Variants in TET3 observed in about 807,000 individuals in gnomAD.
TET3 encodes the protein methylcytosine dioxygenase TET3.
TET3 carries 19 observed loss-of-function variants against 141.4 expected under a neutral mutation model. The observed-to-expected ratio is 0.13, with a 90% CI of 0.09 to 0.20. The LOEUF is 0.20. Among genes scored for constraint, TET3 ranks in the 10% least tolerant of loss-of-function variants. The pLI is 1.00. For synonymous variants in TET3, 1,043 were observed against 980.9 expected (o/e 1.06, Z -1.18); for missense variants, 1,874 against 2,356.9 (o/e 0.80, Z 4.24).
rs377542904 is a variant in TET3 at position 74,088,388 on chromosome 2, A to G, written c.2888+350A>G. Among the ~76,000 whole-genome samples the G allele has an allele frequency of 3.6e-4, 55 of 152,320 alleles. No individual in the cohort carries two copies. In the East Asian group the frequency reaches 6.9e-3, roughly 19 times the overall value. On this transcript the variant is annotated intron_variant, in intron 7 of 11. Transcript: ENST00000409262. ...TGGCCAGGCGTGGTCCATGCCTATA[A>G]TCCCAGCACTTTGGGAGGCCGAAGT...
At chr2:73,994,339 CT>C (rs1412180846) in intron 2 of TET3, among the ~76,000 whole-genome samples, 1 of 152,152 alleles carries the variant, frequency 6.6e-6, no homozygotes, top group African/African-American at 2.4e-5. Flanking sequence ...AGTTCCCTCA[CT>C]GGAGGGAGTA....
chr2:74,033,182 C>G (rs996849109), intron 3 of TET3, among the ~76,000 whole-genome samples: 4 of 152,070 alleles, frequency 2.6e-5, no homozygotes, highest in Admixed American at 2.6e-4. Context: ...ATCTTTTTCC[C>G]CTAAATAAAA....
At chr2:74,032,715 G>A (rs1330613145) in intron 3 of TET3, among the ~76,000 whole-genome samples, 2 of 152,094 alleles carry the variant, frequency 1.3e-5, no homozygotes, top group African/African-American at 4.8e-5. Flanking sequence ...TCCTGCTCTG[G>A]GCCGCAGATC....
At chr2:74,002,188 T>G (rs1199267264) in intron 2 of TET3, among the ~76,000 whole-genome samples, 1 of 152,184 alleles carries the variant, frequency 6.6e-6, no homozygotes, top group Non-Finnish European at 1.5e-5. Flanking sequence ...GTAAGTTGTT[T>G]CACTTATTTT....
intron 4 of TET3, among the ~76,000 whole-genome samples, chr2:74,062,318 A>G (rs985256828): frequency 1.3e-5 from 2 of 152,250 alleles, no homozygotes; most frequent in Admixed American, 1.3e-4. Flanking sequence ...GAGATGAATC[A>G]AAATAATAAT....
intron 4 of TET3, among the ~76,000 whole-genome samples, chr2:74,060,816 T>C (rs1397416820): frequency 6.6e-6 from 1 of 152,250 alleles, no homozygotes; most frequent in Non-Finnish European, 1.5e-5. Context: ...ACATAGCACA[T>C]GTTTCAGAGA....
chr2:74,022,685 C>G (rs1363401193), intron 3 of TET3, among the ~76,000 whole-genome samples: 1 of 152,186 alleles, frequency 6.6e-6, no homozygotes, highest in African/African-American at 2.4e-5. Flanking sequence ...TGCTTCTCCA[C>G]TTTATCTTCT....
chr2:74,022,094 C>CCTTTTTTTTTTTTTTTTTTTTTTT (rs57671706), intron 3 of TET3, among the ~76,000 whole-genome samples: 3 of 82,768 alleles, frequency 3.6e-5, no homozygotes, highest in African/African-American at 1.0e-4. Context: ...TTCTAGGACA[C>CCTTTTTTTTTTTTTTTTTTTTTTT]TTTTTTTTTT....
At chr2:73,986,909 G>A (rs1003282590) in intron 2 of TET3, among the ~76,000 whole-genome samples, 1 of 152,190 alleles carries the variant, frequency 6.6e-6, no homozygotes, top group Non-Finnish European at 1.5e-5. Context: ...GTAGAAGGGG[G>A]ATCTGAGCTA....
At chr2:74,128,412 A>G in the TET3 span, among the ~76,000 whole-genome samples, 1 of 152,320 alleles carries the variant, frequency 6.6e-6, no homozygotes, top group Middle Eastern at 3.4e-3. Flanking sequence ...CACCGCCAGG[A>G]GGAGCCAAGG....
intron 4 of TET3, among the ~76,000 whole-genome samples, chr2:74,061,772 C>A (rs1688598766): frequency 6.8e-6 from 1 of 146,458 alleles, no homozygotes; most frequent in Admixed American, 6.7e-5. Context: ...CTCCTCACCT[C>A]CCAGACGGGG....
At position 74,105,631 on chromosome 2, in the gene TET3, C is replaced by A; in HGVS notation, c.*3455C>A. The A allele has an allele frequency of 8.1e-6, 3 of 371,056 alleles. No individual in the cohort carries two copies. The highest frequency in any genetic ancestry group is 1.4e-5 in the Non-Finnish European group (3 of 208,356). 23.0% of individuals were successfully genotyped at this position (371,056 alleles called of 1,614,324 possible). A position where few individuals can be genotyped will look rare whatever the true frequency, so the allele number is the denominator to read the frequency against. ...GAAAGAGATGATACCCCACCGCCCC[C>A]TCTTGGTCCTTCCACCAGCCTCTTT... On this transcript the variant is annotated 3_prime_UTR_variant, in exon 12 of 12. Coordinates refer to ENST00000409262, the MANE Select transcript of TET3 (RefSeq NM_001287491.2).
rs527604151 is a variant in TET3, at chr2:74,062,605, A to G, written c.2495-10944A>G. On this transcript the variant is annotated intron_variant, in intron 4 of 11. Coordinates refer to ENST00000409262, the MANE Select transcript of TET3 (RefSeq NM_001287491.2). ...GTACCGTTAGCATTTTTAAAAACATACTATAGATTTTCCAGATTACCAGGG... is the reference window on the plus strand; with the variant it reads ...GTACCGTTAGCATTTTTAAAAACATGCTATAGATTTTCCAGATTACCAGGG... 7.2e-5 allele frequency among the ~76,000 whole-genome samples: 11 copies of G among 152,338 alleles called. No homozygotes were observed. The South Asian group carries it at 2.3e-3, about 32-fold the overall frequency.
intron 3 of TET3, among the ~76,000 whole-genome samples, chr2:74,008,904 T>C (rs1198265825): frequency 2.0e-5 from 3 of 152,152 alleles, no homozygotes; most frequent in African/African-American, 7.2e-5. Context: ...GCTTAAGTAA[T>C]TGGATTTCTC....
chr2:74,120,290 C>T, the TET3 span, among the ~76,000 whole-genome samples: 2 of 152,256 alleles, frequency 1.3e-5, no homozygotes, highest in African/African-American at 4.8e-5. Context: ...GGCCGACGGC[C>T]TCCACGGCGG....
intron 3 of TET3, 137 bp downstream of exon 3, chr2:74,003,303 G>A (rs1684963119): frequency 2.6e-6 from 3 of 1,149,996 alleles, no homozygotes; most frequent in South Asian, 3.3e-5. Flanking sequence ...AGCTGAGGGG[G>A]AGGGGCGGCG....
At chr2:74,002,501 G>A (rs1684905729) in intron 2 of TET3, among the ~76,000 whole-genome samples, 1 of 151,922 alleles carries the variant, frequency 6.6e-6, no homozygotes, top group Non-Finnish European at 1.5e-5. Flanking sequence ...GGGGTGCCCT[G>A]GGATGCCCCA....
At chr2:74,040,862 T>A (rs1687301082) in intron 3 of TET3, among the ~76,000 whole-genome samples, 2 of 152,098 alleles carry the variant, frequency 1.3e-5, no homozygotes, top group Admixed American at 1.3e-4. Context: ...GCAACTGCAC[T>A]CCATCATGGG....
chr2:73,994,141 A>G (rs1684463288), intron 2 of TET3, among the ~76,000 whole-genome samples: 1 of 152,166 alleles, frequency 6.6e-6, no homozygotes, highest in Admixed American at 6.5e-5. Context: ...TTGTTTTAAA[A>G]AAGAAATGTA....
Sources: gnomAD v4.1 joint callset for allele counts (sites outside exome capture counted in the v4.1 genomes callset) on GRCh38, gnomAD v4.1.1 for gene constraint, MANE v1.5 for transcripts, NCBI Gene and HGNC (gene_info 2026-07-23, HGNC 2026-07-21) for gene names.